IFT122: variants seen among roughly 807,000 people sequenced by gnomAD.
The protein encoded by IFT122 is intraflagellar transport 122.
IFT122 carries 118 observed loss-of-function variants against 161.6 expected under a neutral mutation model. The ratio of observed to expected loss-of-function variants is 0.73; its 90% CI spans 0.63 to 0.85. The LOEUF (loss-of-function observed/expected upper bound fraction) is 0.85. Among genes scored for constraint, IFT122 ranks in the 40% least tolerant of loss-of-function variants. The pLI, the probability that IFT122 is intolerant of heterozygous loss-of-function variation, is 0.00. For missense variants in IFT122, 1,381 were observed against 1,579.6 expected (o/e 0.87, Z 2.13); for synonymous variants, 550 against 602.4 (o/e 0.91, Z 1.27).
Position 129,459,206 on chromosome 3 carries a change from G to A in IFT122, c.272+529G>A, listed in dbSNP as rs2108034316. 33 of 427,834 alleles carry A rather than the reference G, an allele frequency of 7.7e-5. 1 individual carries two copies. The highest frequency in any genetic ancestry group is 5.6e-4 in the South Asian group (33 of 58,466). The allele number at this position is 427,834 out of a possible 1,614,324, so 26.5% of individuals were successfully genotyped here. On this transcript the variant is annotated intron_variant, in intron 4 of 29. Coordinates refer to ENST00000348417, the MANE Select transcript of IFT122 (RefSeq NM_052989.3). ...TTTCGAGGCATTTCTCACAATTGCA[G>A]TTTTAGGTTTATTCTGGTGACTGAT...
chr3:129,505,638 G>C (rs2082115583), intron 21 of IFT122, among the ~76,000 whole-genome samples: 4 of 152,238 alleles, frequency 2.6e-5, no homozygotes, highest in African/African-American at 9.6e-5. Context: ...GATCATTTGA[G>C]TGCTCTCATA....
At chr3:129,485,053 A>G (rs1402976936) in intron 15 of IFT122, among the ~76,000 whole-genome samples, 2 of 151,948 alleles carry the variant, frequency 1.3e-5, no homozygotes, top group South Asian at 2.1e-4. Context: ...GCTGCATTTT[A>G]TTGTGTCTTG....
chr3:129,484,959 C>T (rs2079102777), intron 15 of IFT122, among the ~76,000 whole-genome samples: 1 of 152,184 alleles, frequency 6.6e-6, no homozygotes. Context: ...TGAACACTGC[C>T]ACCACCACAA....
In IFT122 at chr3:129,452,561, G is replaced by A. The variant is rs1368238476; in HGVS notation, c.193+563G>A. Among the ~76,000 whole-genome samples, 11 of 152,262 alleles carry A rather than the reference G, an allele frequency of 7.2e-5. No individual in the cohort carries two copies. The South Asian group carries it at 2.3e-3, about 32-fold the overall frequency. On this transcript the variant is annotated intron_variant, in intron 3 of 29. Coordinates refer to ENST00000348417, the MANE Select transcript of IFT122 (RefSeq NM_052989.3). ...CGGGGGGAAGAGAGCTCTTTGCAGA[G>A]GAAGAGCCATTGCAGAGGCCCTCAG...
chr3:129,506,575 G>T lies in IFT122; in HGVS notation c.2791+26G>T, dbSNP rs71333619. ...GTGTGTAAACATCAGCCAGACCACTGTTTTCCCAAGCCCCACTCTGACACC... is the reference window on the plus strand; with the variant it reads ...GTGTGTAAACATCAGCCAGACCACTTTTTTCCCAAGCCCCACTCTGACACC... On this transcript the variant is annotated intron_variant, in intron 22 of 29. Transcript: ENST00000348417. 0.037 allele frequency: 59,726 copies of T among 1,613,974 alleles called. 1,323 individuals carry two copies. The highest frequency in any genetic ancestry group is 0.044 in the Non-Finnish European group (51,895 of 1,179,858).
chr3:129,440,893 G>A (rs747626363), intron 1 of IFT122, among the ~76,000 whole-genome samples: 38 of 152,300 alleles, frequency 2.5e-4, no homozygotes, highest in South Asian at 1.0e-3. Flanking sequence ...TTAAAGTAGG[G>A]AGAAACAAAA....
chr3:129,447,530 T>C (rs1168517004), intron 1 of IFT122, among the ~76,000 whole-genome samples: 2 of 152,200 alleles, frequency 1.3e-5, no homozygotes, highest in Non-Finnish European at 2.9e-5. Flanking sequence ...CTTCTCACCC[T>C]GCAAAACAGA....
At chr3:129,489,700 A>G (rs1335363371) in intron 16 of IFT122, among the ~76,000 whole-genome samples, 1 of 152,068 alleles carries the variant, frequency 6.6e-6, no homozygotes, top group Non-Finnish European at 1.5e-5. Context: ...TTAGCCGGGC[A>G]TGGTGGCAGG....
intron 27 of IFT122, 134 bp downstream of exon 27, chr3:129,517,728 G>A: frequency 8.2e-7 from 1 of 1,226,588 alleles, no homozygotes. Flanking sequence ...AGAGAGATTG[G>A]AGAGGCCCAC....
chr3:129,442,248 T>A (rs963156116), intron 1 of IFT122, among the ~76,000 whole-genome samples: 17 of 152,168 alleles, frequency 1.1e-4, no homozygotes, highest in Non-Finnish European at 2.4e-4. Flanking sequence ...GTTAATTTTT[T>A]AAATCTGTTT....
At chr3:129,465,694 C>T (rs1366751599) in intron 7 of IFT122, among the ~76,000 whole-genome samples, 5 of 96,224 alleles carry the variant, frequency 5.2e-5, no homozygotes, top group African/African-American at 7.2e-5. Flanking sequence ...GGACTGCGGA[C>T]TGCAGTGGCG....
chr3:129,518,202 T>C (rs765538881), intron 27 of IFT122, among the ~76,000 whole-genome samples: 6 of 152,190 alleles, frequency 3.9e-5, no homozygotes, highest in Admixed American at 6.5e-5. Flanking sequence ...CTCAGCCTTA[T>C]AGCCCCCAGA....
intron 11 of IFT122, among the ~76,000 whole-genome samples, chr3:129,477,718 G>C (rs2078127077): frequency 2.6e-5 from 4 of 152,164 alleles, no homozygotes; most frequent in Admixed American, 2.6e-4. Context: ...GATCACCGGG[G>C]GCCACTAGTG....
intron 21 of IFT122, 98 bp from the exon 22 acceptor site, chr3:129,506,311 C>T: frequency 6.9e-7 from 1 of 1,443,894 alleles, no homozygotes; most frequent in Middle Eastern, 2.4e-4. Context: ...GTCCTACTTC[C>T]AAAGCAGCCC....
intron 24 of IFT122, chr3:129,513,375 C>T (rs184070620): frequency 9.2e-5 from 14 of 152,380 alleles, no homozygotes; most frequent in Non-Finnish European, 1.5e-4. Context: ...TGGAGAAGAC[C>T]CAGAGCTCCT....
At chr3:129,449,959 C>A in intron 2 of IFT122, 22 bp downstream of exon 2, 1 of 1,539,828 alleles carries the variant, frequency 6.5e-7, no homozygotes, top group South Asian at 1.1e-5. Context: ...TCTTAGTTTC[C>A]TCTTAAAGTG....
intron 12 of IFT122, among the ~76,000 whole-genome samples, chr3:129,478,569 T>C (rs2078248064): frequency 6.6e-6 from 1 of 152,202 alleles, no homozygotes; most frequent in Admixed American, 6.5e-5. Context: ...GTCTTCCTCC[T>C]GAGTAGCTGG....
chr3:129,452,628 G>A (rs1288258268), intron 3 of IFT122, among the ~76,000 whole-genome samples: 1 of 152,190 alleles, frequency 6.6e-6, no homozygotes, highest in Non-Finnish European at 1.5e-5. Context: ...AGAGAATCGG[G>A]AATTGTAGAG....
At chr3:129,516,124 C>T (rs1345705711) in intron 26 of IFT122, among the ~76,000 whole-genome samples, 1 of 144,788 alleles carries the variant, frequency 6.9e-6, no homozygotes, top group Admixed American at 6.9e-5. Flanking sequence ...ACTGCCCCTG[C>T]ACACACAGAG....
Sources: gnomAD v4.1 joint callset for allele counts (sites outside exome capture counted in the v4.1 genomes callset) on GRCh38, gnomAD v4.1.1 for gene constraint, MANE v1.5 for transcripts, NCBI Gene and HGNC (gene_info 2026-07-23, HGNC 2026-07-21) for gene names.